The following FBXW10B variants were observed in gnomAD, a reference collection of about 807,000 sequenced individuals.
FBXW10B encodes the protein F-box and WD repeat domain containing protein 10B.
At chr17:15,594,817 T>C in the FBXW10B span, 7 of 1,613,888 alleles carry the variant, frequency 4.3e-6, no homozygotes, top group African/African-American at 2.7e-5. Context: ...GACCAGGCCA[T>C]CAGTGCTTCC....
chr17:15,615,343 A>G, the FBXW10B span, among the ~76,000 whole-genome samples: 3 of 35,338 alleles, frequency 8.5e-5, no homozygotes, highest in Non-Finnish European at 1.3e-4. Flanking sequence ...TTTTTTTTTG[A>G]GACAGTCTCG....
At chr17:15,619,453 G>T in the FBXW10B span, 1 of 1,613,896 alleles carries the variant, frequency 6.2e-7, no homozygotes, top group Non-Finnish European at 8.5e-7. Context: ...GGATGGAATC[G>T]GTTCCCTTCT....
the FBXW10B span, among the ~76,000 whole-genome samples, chr17:15,610,921 C>T: frequency 6.6e-6 from 1 of 152,158 alleles, no homozygotes; most frequent in East Asian, 1.9e-4. Context: ...GCTGGGAGAG[C>T]TTGACCTCTC....
At chr17:15,610,681 C>A in the FBXW10B span, among the ~76,000 whole-genome samples, 1 of 152,166 alleles carries the variant, frequency 6.6e-6, no homozygotes, top group East Asian at 1.9e-4. Flanking sequence ...GGACCTGGAA[C>A]TTAAAGTGGC....
At chr17:15,601,796 A>C in the FBXW10B span, among the ~76,000 whole-genome samples, 1 of 152,178 alleles carries the variant, frequency 6.6e-6, no homozygotes, top group Non-Finnish European at 1.5e-5. Flanking sequence ...CTCAAAACTT[A>C]TATACTATAG....
At chr17:15,593,542 G>A in the FBXW10B span, 535 of 1,602,170 alleles carry the variant, frequency 3.3e-4, 5 homozygotes, top group African/African-American at 6.4e-3. Flanking sequence ...CTCATAAAAT[G>A]CCTGGGTTTG....
At chr17:15,567,793 A>G in the FBXW10B span, among the ~76,000 whole-genome samples, 1 of 152,238 alleles carries the variant, frequency 6.6e-6, no homozygotes, top group African/African-American at 2.4e-5. Flanking sequence ...TTGTTAGGGA[A>G]GAGGTTTAAA....
the FBXW10B span, chr17:15,612,653 A>C: frequency 1.2e-6 from 2 of 1,612,938 alleles, no homozygotes; most frequent in Non-Finnish European, 1.7e-6. Context: ...AATGGCAATT[A>C]GAATGAGACG....
the FBXW10B span, among the ~76,000 whole-genome samples, chr17:15,606,023 T>C: frequency 1.4e-5 from 2 of 143,024 alleles, no homozygotes; most frequent in African/African-American, 2.7e-5. Context: ...GACCAAATAA[T>C]GTATTGTCCA....
chr17:15,604,986 CATCA>C, the FBXW10B span, among the ~76,000 whole-genome samples: 2 of 152,062 alleles, frequency 1.3e-5, no homozygotes, highest in African/African-American at 2.4e-5. Flanking sequence ...GATTTGCAGT[CATCA>C]ATTAGAAAAT....
the FBXW10B span, chr17:15,589,295 C>T: frequency 1.3e-6 from 2 of 1,576,486 alleles, no homozygotes; most frequent in African/African-American, 1.4e-5. Flanking sequence ...TACACTTTCC[C>T]TTGTAGGGAA....
the FBXW10B span, among the ~76,000 whole-genome samples, chr17:15,584,259 CTG>C: frequency 1.3e-5 from 2 of 152,126 alleles, no homozygotes; most frequent in African/African-American, 4.8e-5. Context: ...GAATAAGCCA[CTG>C]TGTGTTATAA....
chr17:15,577,678 CG>C, the FBXW10B span, among the ~76,000 whole-genome samples: 1 of 152,118 alleles, frequency 6.6e-6, no homozygotes, highest in Non-Finnish European at 1.5e-5. Context: ...TCTCTTTTCA[CG>C]TAAGACGATG....
At chr17:15,615,726 T>C in the FBXW10B span, 2 of 1,613,834 alleles carry the variant, frequency 1.2e-6, no homozygotes, top group Non-Finnish European at 1.7e-6. Flanking sequence ...GTTTTGGCTG[T>C]CCAATAGACT....
At chr17:15,615,665 A>T in the FBXW10B span, 14 of 1,613,712 alleles carry the variant, frequency 8.7e-6, no homozygotes, top group Non-Finnish European at 1.2e-5. Context: ...TGCTGCCCCA[A>T]GGAAGTGTTC....
the FBXW10B span, among the ~76,000 whole-genome samples, chr17:15,590,856 C>T: frequency 6.6e-6 from 1 of 152,226 alleles, no homozygotes; most frequent in African/African-American, 2.4e-5. Flanking sequence ...GATGGAGACA[C>T]CCCCATCCCT....
the FBXW10B span, among the ~76,000 whole-genome samples, chr17:15,590,941 G>A: frequency 6.6e-6 from 1 of 152,150 alleles, no homozygotes; most frequent in Non-Finnish European, 1.5e-5. Context: ...TTTCTGGGAA[G>A]ACCCAGACAG....
At chr17:15,581,451 T>C in the FBXW10B span, among the ~76,000 whole-genome samples, 4 of 152,090 alleles carry the variant, frequency 2.6e-5, no homozygotes, top group African/African-American at 9.7e-5. Flanking sequence ...ATCAAAACAC[T>C]TGTAGCTGTA....
At chr17:15,595,864 T>C in the FBXW10B span, among the ~76,000 whole-genome samples, 2 of 151,822 alleles carry the variant, frequency 1.3e-5, no homozygotes, top group East Asian at 1.9e-4. Context: ...AGTGTTTTCT[T>C]CTTAGGAAAA....
Sources: gnomAD v4.1 joint callset for allele counts (sites outside exome capture counted in the v4.1 genomes callset) on GRCh38, gnomAD v4.1.1 for gene constraint, MANE v1.5 for transcripts, NCBI Gene and HGNC (gene_info 2026-07-23, HGNC 2026-07-21) for gene names.